MAST4: variants seen among roughly 807,000 people sequenced by gnomAD.
The protein encoded by MAST4 is microtubule associated serine/threonine kinase family member 4.
Under a neutral mutation model 162.7 loss-of-function variants are expected in MAST4, and 89 were observed. That is an observed-to-expected ratio of 0.55 (90% CI 0.46 to 0.65). MAST4 has a LOEUF of 0.65. MAST4 is among the 30% of genes least tolerant of loss of function. The pLI is 0.00. For synonymous variants in MAST4, 1,479 were observed against 1,361.1 expected, an observed-to-expected ratio of 1.09 and a Z score of -1.91; for missense variants, 3,153 against 3,374.0, an observed-to-expected ratio of 0.93 and a Z score of 1.62.
chr5:66,779,916 T>C (rs1282034258), intron 2 of MAST4, among the ~76,000 whole-genome samples: 1 of 152,180 alleles, frequency 6.6e-6, no homozygotes. Context: ...AGGGCTTATG[T>C]TATGAAGTAT....
intron 4 of MAST4, among the ~76,000 whole-genome samples, chr5:66,901,648 CAGA>C (rs1429452818): frequency 6.6e-6 from 1 of 152,136 alleles, no homozygotes; most frequent in Non-Finnish European, 1.5e-5. Context: ...ATTGAGCATT[CAGA>C]AGATGAGCAT....
intron 4 of MAST4, among the ~76,000 whole-genome samples, chr5:66,950,592 TC>T (rs1744563950): frequency 6.6e-6 from 1 of 152,200 alleles, no homozygotes; most frequent in Admixed American, 6.5e-5. Context: ...TCATAGTTCA[TC>T]CATGTTGTAA....
chr5:67,024,052 A>T (rs1472957069), intron 4 of MAST4, among the ~76,000 whole-genome samples: 2 of 150,524 alleles, frequency 1.3e-5, no homozygotes, highest in African/African-American at 4.9e-5. Flanking sequence ...TTAAAGAGCA[A>T]CTCCCCATTC....
intron 4 of MAST4, among the ~76,000 whole-genome samples, chr5:66,982,440 T>C (rs1748976979): frequency 6.6e-6 from 1 of 152,220 alleles, no homozygotes; most frequent in Admixed American, 6.5e-5. Flanking sequence ...GAAAATTATG[T>C]CATAAAAGAA....
chr5:67,037,109 G>C (rs1756117108), intron 4 of MAST4, among the ~76,000 whole-genome samples: 1 of 152,074 alleles, frequency 6.6e-6, no homozygotes, highest in Admixed American at 6.6e-5. Context: ...CAGTAAAAAG[G>C]AAAGGTCGGG....
chr5:67,098,762 A>G (rs1678327308), intron 7 of MAST4, among the ~76,000 whole-genome samples: 1 of 152,248 alleles, frequency 6.6e-6, no homozygotes, highest in Admixed American at 6.5e-5. Flanking sequence ...TTCCTGTGCA[A>G]GTACAGTTGC....
chr5:67,098,059 T>G (rs1764649434), intron 7 of MAST4, among the ~76,000 whole-genome samples: 1 of 152,148 alleles, frequency 6.6e-6, no homozygotes, highest in South Asian at 2.1e-4. Context: ...ATTTAGCCAA[T>G]CAGAAATTTA....
intron 24 of MAST4, among the ~76,000 whole-genome samples, chr5:67,151,767 C>CTT (rs1163541260): frequency 6.8e-4 from 79 of 115,642 alleles, no homozygotes; most frequent in South Asian, 1.4e-3. Flanking sequence ...TTCTTTTTTT[C>CTT]TTTTTTTTTT....
rs767399810 is a variant in MAST4, at chr5:67,165,667, C to T, written c.6488C>T (p.Pro2163Leu). 5 of 1,596,972 alleles carry T rather than the reference C, an allele frequency of 3.1e-6. No homozygotes were observed. Among genetic ancestry groups the T allele is most frequent in the Admixed American group, 1.8e-5 (1 of 57,042 alleles). The part of the protein sequence containing the change: ...SSPSHASGRE[P>L]GAKPSTAEPS... ...CCAAGCCACGCTTCTGGCAGAGAGC[C>T]GGGGGCCAAGCCCAGCACTGCAGAG... Residue 2163 changes from proline (P) to leucine (L), a missense_variant, in exon 29 of 29, where the codon CCG becomes CTG. By Grantham distance (98) the Pro-to-Leu change is moderately conservative. Coordinates refer to ENST00000403625, the MANE Select transcript of MAST4 (RefSeq NM_001164664.2).
At chr5:66,598,846 G>A (rs1242447811) in intron 1 of MAST4, among the ~76,000 whole-genome samples, 8 of 152,152 alleles carry the variant, frequency 5.3e-5, no homozygotes, top group Admixed American at 5.2e-4. Flanking sequence ...CCATTCTGTC[G>A]CTGATTTATT....
At chr5:66,774,042 G>T (rs1333018818) in intron 2 of MAST4, among the ~76,000 whole-genome samples, 1 of 152,180 alleles carries the variant, frequency 6.6e-6, no homozygotes, top group African/African-American at 2.4e-5. Context: ...ACACTGCATT[G>T]CACCCTTGGT....
intron 5 of MAST4, among the ~76,000 whole-genome samples, chr5:67,087,449 T>C (rs987745613): frequency 6.6e-6 from 1 of 152,164 alleles, no homozygotes; most frequent in Non-Finnish European, 1.5e-5. Flanking sequence ...CTCTAACTAA[T>C]CAGTACCAAT....
chr5:66,996,616 ATC>A (rs1297693376), intron 4 of MAST4, among the ~76,000 whole-genome samples: 1 of 152,126 alleles, frequency 6.6e-6, no homozygotes, highest in Non-Finnish European at 1.5e-5. Context: ...CTGAGGTGGA[ATC>A]TGTTTCCCTG....
At chr5:66,656,780 T>G (rs562770663) in intron 1 of MAST4, among the ~76,000 whole-genome samples, 6 of 152,338 alleles carry the variant, frequency 3.9e-5, no homozygotes, top group African/African-American at 1.4e-4. Context: ...TAAAGTACTC[T>G]AAAATGTTAG....
chr5:67,121,211 T>C, intron 14 of MAST4, 109 bp downstream of exon 14: 1 of 784,366 alleles, frequency 1.3e-6, no homozygotes, highest in Non-Finnish European at 2.0e-6. Context: ...GACTTGACTT[T>C]TCAGATCACT....
At chr5:66,935,409 T>G (rs1431397355) in intron 4 of MAST4, among the ~76,000 whole-genome samples, 1 of 152,162 alleles carries the variant, frequency 6.6e-6, no homozygotes, top group Non-Finnish European at 1.5e-5. Context: ...ATTGGAACCT[T>G]GCAACCTCAT....
intron 4 of MAST4, among the ~76,000 whole-genome samples, chr5:67,020,015 C>T (rs952630632): frequency 6.8e-4 from 103 of 152,186 alleles, no homozygotes; most frequent in Non-Finnish European, 1.0e-3. Context: ...AATCTTTAAT[C>T]TCTTGAGGGG....
At chr5:66,646,524 T>C (rs1745848877) in intron 1 of MAST4, among the ~76,000 whole-genome samples, 1 of 152,194 alleles carries the variant, frequency 6.6e-6, no homozygotes, top group African/African-American at 2.4e-5. Flanking sequence ...AAAAACACGG[T>C]GATAAAGCAT....
At chr5:67,054,572 T>C (rs2150560361) in intron 5 of MAST4, 80 bp downstream of exon 5, 4 of 1,232,310 alleles carry the variant, frequency 3.2e-6, no homozygotes, top group Non-Finnish European at 2.3e-6. Context: ...ATTTTGATAT[T>C]TGGTATGTCT....
Sources: gnomAD v4.1 joint callset for allele counts (sites outside exome capture counted in the v4.1 genomes callset) on GRCh38, gnomAD v4.1.1 for gene constraint, MANE v1.5 for transcripts, NCBI Gene and HGNC (gene_info 2026-07-23, HGNC 2026-07-21) for gene names.